The following CACNA1A variants were observed in gnomAD, a reference collection of about 807,000 sequenced individuals.
CACNA1A encodes the protein voltage-dependent P/Q-type calcium channel subunit alpha-1A.
Under a neutral mutation model 262.4 loss-of-function variants are expected in CACNA1A, and 57 were observed. The observed-to-expected ratio is 0.22, with a 90% CI of 0.18 to 0.27. The LOEUF (loss-of-function observed/expected upper bound fraction) is 0.27. Among genes scored for constraint, CACNA1A ranks in the 10% least tolerant of loss-of-function variants. The pLI is 1.00. For synonymous variants in CACNA1A, 1,431 were observed against 1,419.3 expected (o/e 1.01, Z -0.18); for missense variants, 2,526 against 3,562.8 (o/e 0.71, Z 7.41).
At chr19:13,371,848 C>T in intron 3 of CACNA1A, 69 bp from the exon 4 acceptor site, 1 of 1,134,678 alleles carries the variant, frequency 8.8e-7, no homozygotes, top group Non-Finnish European at 1.3e-6. Context: ...GGCGGGGGTG[C>T]TTGGGATTCC....
intron 3 of CACNA1A, among the ~76,000 whole-genome samples, chr19:13,411,116 ACTTTT>A (rs1168829330): frequency 1.3e-5 from 2 of 152,108 alleles, no homozygotes; most frequent in Non-Finnish European, 2.9e-5. Flanking sequence ...CTTTGCCATT[ACTTTT>A]AATGGCAAAA....
intron 3 of CACNA1A, among the ~76,000 whole-genome samples, chr19:13,429,117 C>T (rs2060455131): frequency 2.0e-5 from 3 of 151,466 alleles, no homozygotes; most frequent in Admixed American, 2.0e-4. Flanking sequence ...TTTCTTTGCC[C>T]AAGCTGATTT....
chr19:13,457,020 T>C (rs919534597), intron 1 of CACNA1A, among the ~76,000 whole-genome samples: 8 of 150,800 alleles, frequency 5.3e-5, no homozygotes, highest in African/African-American at 2.0e-4. Flanking sequence ...GAGGCCGAGG[T>C]AGGAGGATTA....
chr19:13,410,298 C>T (rs1296238098), intron 3 of CACNA1A, among the ~76,000 whole-genome samples: 1 of 151,854 alleles, frequency 6.6e-6, no homozygotes, highest in Non-Finnish European at 1.5e-5. Flanking sequence ...GTGATCATAG[C>T]TCACTGCAGC....
intron 38 of CACNA1A, among the ~76,000 whole-genome samples, chr19:13,220,228 T>G (rs1309556143): frequency 3.3e-5 from 5 of 150,502 alleles, no homozygotes; most frequent in Admixed American, 1.3e-4. Flanking sequence ...ACTATTATAC[T>G]CCAGCCTTGG....
chr19:13,308,026 T>C lies in CACNA1A; in HGVS notation c.1913+94A>G. On this transcript the variant is annotated intron_variant, in intron 14 of 46. Coordinates refer to ENST00000360228, the MANE Select transcript of CACNA1A (RefSeq NM_001127222.2). This position sits in a 1 kb window ranked among gnomAD's most constrained non-coding sequence, Gnocchi z 4.2. ...GGGTGACCGCAATGGGTGTCTGGGC[T>C]ACGAGGAAGGCAGCCTGCACGGTGG... The C allele has an allele frequency of 1.3e-6, 2 of 1,532,842 alleles. No homozygotes were observed. The highest frequency in any genetic ancestry group is 2.7e-5 in the African/African-American group (2 of 73,206). The allele number at this position is 1,532,842 out of a possible 1,614,324, so 95.0% of individuals were successfully genotyped here.
chr19:13,484,050 C>T (rs777018047), intron 1 of CACNA1A, among the ~76,000 whole-genome samples: 1 of 152,058 alleles, frequency 6.6e-6, no homozygotes, highest in Non-Finnish European at 1.5e-5. Flanking sequence ...GGTGTGTGAG[C>T]TTGAGTAATT....
At position 13,371,717 on chromosome 19, in the gene CACNA1A, C is replaced by A; in HGVS notation, c.602G>T (p.Arg201Leu). 1 of 1,580,054 alleles carries A rather than the reference C, an allele frequency of 6.3e-7. No homozygotes were observed. Residue 201 changes from arginine to leucine, a missense_variant, in exon 4 of 47, where the codon CGG (arginine) becomes CTG (leucine). This residue lies in a region of CACNA1A where 77 missense variants were observed against 228.4 expected (regional missense o/e 0.34). Transcript: ENST00000360228. ...LRTLRAVRVL[R>L]PLKLVSGIPS... Reference sequence around the variant, plus strand: ...GATTCCAGACACCAGCTTGAGCGGCCGCAGCACTCGAACTGCCCTCAGCGT... The same window carrying A: ...GATTCCAGACACCAGCTTGAGCGGCAGCAGCACTCGAACTGCCCTCAGCGT...
chr19:13,485,525 AT>A (rs201323899), intron 1 of CACNA1A, among the ~76,000 whole-genome samples: 131 of 150,988 alleles, frequency 8.7e-4, no homozygotes, highest in Middle Eastern at 3.4e-3. Context: ...ACAAATCAAT[AT>A]TTTTTTTTTA....
intron 1 of CACNA1A, among the ~76,000 whole-genome samples, chr19:13,496,054 AT>A (rs1981478927): frequency 1.4e-5 from 2 of 143,166 alleles, no homozygotes; most frequent in Non-Finnish European, 3.0e-5. Context: ...CCATCCATCC[AT>A]CCATCCATCC....
chr19:13,298,904 A>T lies in CACNA1A; in HGVS notation c.2729T>A (p.Leu910Gln), dbSNP rs953766694. Residue 910 changes from leucine to glutamine, a missense_variant, in exon 19 of 47, where the codon CTG (leucine) becomes CAG (glutamine). Coordinates refer to ENST00000360228, the MANE Select transcript of CACNA1A (RefSeq NM_001127222.2). ...GCCCTCCCAGAACCCGGGTTGCTCC[A>T]GGCTGCCCTCCCGGGCGTGGTGGTC... ...ESDHHAREGS[L>Q]EQPGFWEGEA... The T allele has an allele frequency of 1.3e-6, 2 of 1,594,742 alleles. No homozygotes were observed. The highest frequency in any genetic ancestry group is 1.7e-5 in the Admixed American group (1 of 59,682).
At chr19:13,341,575 G>A (rs1361308713) in intron 6 of CACNA1A, among the ~76,000 whole-genome samples, 1 of 152,000 alleles carries the variant, frequency 6.6e-6, no homozygotes, top group Non-Finnish European at 1.5e-5. Context: ...TCTCAACCAC[G>A]CCAAGCACAG....
intron 1 of CACNA1A, among the ~76,000 whole-genome samples, chr19:13,497,510 AAAAAAAAAAAAATATATATATATATATAT>A (rs1376897444): frequency 2.0e-4 from 9 of 45,028 alleles, no homozygotes; most frequent in Admixed American, 4.1e-4. Flanking sequence ...AAAAAAAAAA[AAAAAAAAAAAAATATATATATATATATAT>A]ATATATATAT....
chr19:13,425,960 A>T (rs2060395424), intron 3 of CACNA1A, among the ~76,000 whole-genome samples: 1 of 152,216 alleles, frequency 6.6e-6, no homozygotes, highest in Non-Finnish European at 1.5e-5. Context: ...CAGGAGGCTG[A>T]GGCAGGAGAA....
intron 43 of CACNA1A, 138 bp from the exon 44 acceptor site, chr19:13,210,790 C>G: frequency 2.2e-6 from 2 of 900,440 alleles, no homozygotes; most frequent in Non-Finnish European, 3.6e-6. Flanking sequence ...CAAGAGAAAT[C>G]GGAGGGAGAA....
At chr19:13,240,075 G>A (rs896680361) in intron 31 of CACNA1A, among the ~76,000 whole-genome samples, 1 of 151,520 alleles carries the variant, frequency 6.6e-6, no homozygotes, top group Non-Finnish European at 1.5e-5. Flanking sequence ...TGCTTGAAAC[G>A]GGGAGGCAGA....
chr19:13,407,294 C>G (rs1289199153), intron 3 of CACNA1A, among the ~76,000 whole-genome samples: 2 of 152,304 alleles, frequency 1.3e-5, no homozygotes, highest in Admixed American at 1.3e-4. Flanking sequence ...GGTGCCGCTA[C>G]AGAGGCAAAC....
intron 1 of CACNA1A, among the ~76,000 whole-genome samples, chr19:13,492,347 C>G (rs1388485735): frequency 6.6e-6 from 1 of 152,120 alleles, no homozygotes; most frequent in East Asian, 1.9e-4. Context: ...GCACAGGATA[C>G]CACAACAGGA....
chr19:13,227,302 C>CA (rs778313822), intron 37 of CACNA1A, 129 bp downstream of exon 37: 3 of 466,198 alleles, frequency 6.4e-6, no homozygotes, highest in Non-Finnish European at 1.2e-5. Context: ...GAATCAAAAA[C>CA]AAAAAAGAAG....
Sources: gnomAD v4.1 joint callset for allele counts (sites outside exome capture counted in the v4.1 genomes callset) on GRCh38, gnomAD v4.1.1 for gene constraint, gnomAD v4.1.1 regional missense constraint, Gnocchi (gnomAD v3.1) non-coding constraint, MANE v1.5 for transcripts, NCBI Gene and HGNC (gene_info 2026-07-23, HGNC 2026-07-21) for gene names.